KLHDC2: variants seen among roughly 807,000 people sequenced by gnomAD.
KLHDC2 encodes kelch domain containing 2.
In KLHDC2, 38 loss-of-function variants were observed where a neutral mutation model predicts 62.3. The ratio of observed to expected loss-of-function variants is 0.61; its 90% confidence interval spans 0.47 to 0.80. KLHDC2 has a LOEUF of 0.80. Ranked by LOEUF, KLHDC2 falls within the 30% of genes least tolerant of loss-of-function variation. KLHDC2 has a pLI of 0.00. For missense variants in KLHDC2, 430 were observed against 495.3 expected, an observed-to-expected ratio of 0.87 and a Z score of 1.25; for synonymous variants, 159 against 161.0, an observed-to-expected ratio of 0.99 and a Z score of 0.09.
In KLHDC2 at chr14:49,783,096, C is replaced by CTATTTTTGTGT. The variant is rs1889988871; in HGVS notation, c.*144_*154dup. 1.4e-6 allele frequency: 1 copy of CTATTTTTGTGT among 690,376 alleles called. No homozygotes were observed. Among genetic ancestry groups the CTATTTTTGTGT allele is most frequent in the Non-Finnish European group, 2.2e-6 (1 of 447,386 alleles). 42.8% of individuals were successfully genotyped at this position (690,376 alleles called of 1,614,324 possible). On this transcript the variant is annotated 3_prime_UTR_variant, in exon 13 of 13. Transcript: ENST00000298307. Reference sequence around the variant, plus strand: ...TGTGCATGTGAATGGCCTAGAGAACCTATTTTTGTGTCTAAAGTTTACAAT... The same window carrying CTATTTTTGTGT: ...TGTGCATGTGAATGGCCTAGAGAACCTATTTTTGTGTTATTTTTGTGTCTAAAGTTTACAAT...
chr14:49,780,805 T>A lies in KLHDC2; in HGVS notation c.956+30T>A, dbSNP rs957493214. The A allele has an allele frequency of 5.3e-6, 6 of 1,136,526 alleles. No individual in the cohort carries two copies. In the African/African-American group the frequency reaches 9.1e-5, roughly 17 times the overall value. 70.4% of individuals were successfully genotyped at this position (1,136,526 alleles called of 1,614,324 possible). A position where few individuals can be genotyped will look rare whatever the true frequency, so the allele number is the denominator to read the frequency against. ...TTAAAAGCAATTCATATACTGAATA[T>A]GCATAAGACATAAGAATTGAGGTTT... On this transcript the variant is annotated intron_variant, in intron 10 of 12. Transcript: ENST00000298307.
rs1252189191 is a variant in KLHDC2, at chr14:49,783,163, G to GTAAT, written c.*211_*214dup. The GTAAT allele has an allele frequency of 1.1e-5, 4 of 377,096 alleles. No homozygotes were observed. Among genetic ancestry groups the GTAAT allele is most frequent in the Non-Finnish European group, 1.9e-5 (4 of 214,462 alleles). The allele number at this position is 377,096 out of a possible 1,614,324, so 23.4% of individuals were successfully genotyped here. A position where few individuals can be genotyped will look rare whatever the true frequency, so the allele number is the denominator to read the frequency against. On this transcript the variant is annotated 3_prime_UTR_variant, in exon 13 of 13. Transcript: ENST00000298307. ...AGTAGCTGTCCTCTATTAAAGTAAAGTAATGGTTGGGCTTTTTACCCTGAA... is the reference window on the plus strand; with the variant it reads ...AGTAGCTGTCCTCTATTAAAGTAAAGTAATTAATGGTTGGGCTTTTTACCCTGAA...
chr14:49,774,878 G>A (rs1180170578), intron 3 of KLHDC2, 200 bp downstream of exon 3: 1 of 560,984 alleles, frequency 1.8e-6, no homozygotes, highest in Non-Finnish European at 3.2e-6. Context: ...ATCAACTTTT[G>A]TTGGTAACCT....
intron 3 of KLHDC2, among the ~76,000 whole-genome samples, chr14:49,775,846 T>TA (rs1329911339): frequency 6.6e-6 from 1 of 152,026 alleles, no homozygotes; most frequent in African/African-American, 2.4e-5. Flanking sequence ...AGGCTGGTCT[T>TA]AAACTCCTGA....
chr14:49,782,554 G>A lies in KLHDC2; in HGVS notation c.1057G>A (p.Glu353Lys). Residue 353 changes from glutamate (E) to lysine (K), a missense_variant, in exon 12 of 13, where the codon GAA becomes AAA. By Grantham distance (56) the Glu-to-Lys change is moderately conservative. Coordinates refer to ENST00000298307, the MANE Select transcript of KLHDC2 (RefSeq NM_014315.3). ...LVHHRAAHSN[E>K]ILIFSVQPKS... ...ATTTATTTTTCAGGCACACAGTAATGAAATACTAATATTTTCAGTTCAACC... is the reference window on the plus strand; with the variant it reads ...ATTTATTTTTCAGGCACACAGTAATAAAATACTAATATTTTCAGTTCAACC... 6.2e-7 allele frequency: 1 copy of A among 1,607,536 alleles called. No homozygotes were observed. Among genetic ancestry groups the A allele is most frequent in the Non-Finnish European group, 8.5e-7 (1 of 1,175,730 alleles).
intron 10 of KLHDC2, among the ~76,000 whole-genome samples, chr14:49,781,905 C>G (rs1889920703): frequency 6.6e-6 from 1 of 151,328 alleles, no homozygotes; most frequent in African/African-American, 2.4e-5. Flanking sequence ...CCCCAAGTAT[C>G]TAAACCAAGT....
rs1889850100 is a variant in KLHDC2 at position 49,779,803 on chromosome 14, A to C, written c.770A>C (p.Glu257Ala). 1 of 1,603,540 alleles carries C rather than the reference A, an allele frequency of 6.2e-7. No individual in the cohort carries two copies. Among genetic ancestry groups the C allele is most frequent in the Non-Finnish European group, 8.5e-7 (1 of 1,172,000 alleles). ...YLNLDTWEWN[E>A]LIPQGICPVG... ...AATCTGGATACATGGGAGTGGAATG[A>C]ATTGTAGGTATCACTTTAGATACAT... The change falls in exon 8 of 13, where the codon GAA becomes GCA. Residue 257 changes from glutamate (E) to alanine (A), a missense_variant. Transcript: ENST00000298307.
chr14:49,780,961 G>T (rs1889884976), intron 10 of KLHDC2, among the ~76,000 whole-genome samples, 186 bp downstream of exon 10: 1 of 152,220 alleles, frequency 6.6e-6, no homozygotes, highest in Non-Finnish European at 1.5e-5. Context: ...ATCTGTGCAT[G>T]AAGAGTAGGG....
chr14:49,786,030 C>T lies in KLHDC2; in HGVS notation c.*3077C>T, dbSNP rs1890162582. On this transcript the variant is annotated 3_prime_UTR_variant, in exon 13 of 13. Transcript: ENST00000298307. ...AATGGGACTAATACCTTGGCTATACCACTATTTCTCGTCCTGGGGAGATTC... is the reference window on the plus strand; with the variant it reads ...AATGGGACTAATACCTTGGCTATACTACTATTTCTCGTCCTGGGGAGATTC... The T allele has an allele frequency of 6.6e-6, 1 of 152,382 alleles. No homozygotes were observed. The highest frequency in any genetic ancestry group is 2.4e-5 in the African/African-American group (1 of 41,412). 9.4% of individuals were successfully genotyped at this position (152,382 alleles called of 1,614,324 possible).
At chr14:49,771,981 A>G (rs1028496362) in intron 2 of KLHDC2, among the ~76,000 whole-genome samples, 2 of 151,862 alleles carry the variant, frequency 1.3e-5, no homozygotes, top group African/African-American at 4.9e-5. Context: ...ACAGAGCAAA[A>G]CTGTCTCCAA....
In KLHDC2 at chr14:49,774,125, A is replaced by T. The variant is rs531022721; in HGVS notation, c.234-436A>T. ...TTACATAAAGGACTGAATCTGATGCATATGAACAGCTAAAAGGGGACTGAA... is the reference window on the plus strand; with the variant it reads ...TTACATAAAGGACTGAATCTGATGCTTATGAACAGCTAAAAGGGGACTGAA... On this transcript the variant is annotated intron_variant, in intron 2 of 12. Coordinates refer to ENST00000298307, the MANE Select transcript of KLHDC2 (RefSeq NM_014315.3). Among the ~76,000 whole-genome samples, 340 of 152,344 alleles carry T rather than the reference A, an allele frequency of 2.2e-3. 2 individuals carry two copies. The highest frequency in any genetic ancestry group is 7.4e-3 in the African/African-American group (306 of 41,580).
Position 49,782,613 on chromosome 14 carries a change from G to C in KLHDC2, c.1097+19G>C. On this transcript the variant is annotated intron_variant, in intron 12 of 12. Transcript: ENST00000298307. Reference sequence around the variant, plus strand: ...TTGTACGGTAAGTAACTTTGTACTTGGCACTTAGATTATTTAAAATTGTGT... The same window carrying C: ...TTGTACGGTAAGTAACTTTGTACTTCGCACTTAGATTATTTAAAATTGTGT... 1 of 1,573,490 alleles carries C rather than the reference G, an allele frequency of 6.4e-7. No individual in the cohort carries two copies. Among genetic ancestry groups the C allele is most frequent in the Non-Finnish European group, 8.7e-7 (1 of 1,152,872 alleles).
Position 49,778,465 on chromosome 14 carries a change from A to C in KLHDC2, c.604A>C (p.Thr202Pro). 1.3e-6 allele frequency: 2 copies of C among 1,590,860 alleles called. No homozygotes were observed. The highest frequency in any genetic ancestry group is 1.7e-6 in the Non-Finnish European group (2 of 1,160,996). Residue 202 changes from threonine to proline, a missense_variant, in exon 6 of 13, where the codon ACA (threonine) becomes CCA (proline). Thr to Pro is a conservative substitution (Grantham distance 38). Coordinates refer to ENST00000298307, the MANE Select transcript of KLHDC2 (RefSeq NM_014315.3). ...NDHVHILDTETFTWSQPITTG... is the reference protein window; with the variant it reads ...NDHVHILDTEPFTWSQPITTG... ...TCATGTACATATTTTAGATACTGAA[A>C]CATTTACCTGGAGCCAGCCTATAAC...
intron 3 of KLHDC2, 82 bp from the exon 4 acceptor site, chr14:49,777,757 T>A (rs1364917351): frequency 2.6e-6 from 2 of 761,430 alleles, no homozygotes; most frequent in Non-Finnish European, 4.4e-6. Context: ...GGCACTCTTA[T>A]CATAAATCAT....
intron 10 of KLHDC2, among the ~76,000 whole-genome samples, chr14:49,781,880 A>C (rs1254725655): frequency 6.6e-6 from 1 of 152,216 alleles, no homozygotes; most frequent in Non-Finnish European, 1.5e-5. Flanking sequence ...TTCATGTTCA[A>C]AGCCTGCATT....
At position 49,785,037 on chromosome 14, in the gene KLHDC2, C is replaced by T. The variant is rs1566643142; in HGVS notation, c.*2084C>T. 1 of 1,607,804 alleles carries T rather than the reference C, an allele frequency of 6.2e-7. No homozygotes were observed. ...TACAAAAAAGAGTAAGAATAATCTA[C>T]TGTTAAGTCACTGAACTGTTTAAAA... On this transcript the variant is annotated 3_prime_UTR_variant, in exon 13 of 13. Transcript: ENST00000298307.
At chr14:49,774,805 T>C in intron 3 of KLHDC2, 127 bp downstream of exon 3, 2 of 734,294 alleles carry the variant, frequency 2.7e-6, no homozygotes, top group Non-Finnish European at 4.9e-6. Flanking sequence ...TACTTGATTA[T>C]GATATGAATG....
chr14:49,768,332 A>G lies in KLHDC2; in HGVS notation c.-137A>G. The G allele has an allele frequency of 2.2e-6, 2 of 924,090 alleles. No homozygotes were observed. The highest frequency in any genetic ancestry group is 3.1e-6 in the Non-Finnish European group (2 of 639,308). 57.2% of individuals were successfully genotyped at this position (924,090 alleles called of 1,614,324 possible). ...GCTGGGAAACGCGAGCGCAGGCGGC[A>G]GAGAGGCCTCAACGCCGTCCCTTTC... On this transcript the variant is annotated 5_prime_UTR_variant, in exon 1 of 13. Transcript: ENST00000298307.
At chr14:49,782,322 C>T in intron 10 of KLHDC2, 48 bp from the exon 11 acceptor site, 2 of 1,288,884 alleles carry the variant, frequency 1.6e-6, no homozygotes, top group Non-Finnish European at 2.2e-6. Flanking sequence ...ATAAAATGGC[C>T]AACTGGTGTT....
Sources: allele counts gnomAD v4.1 joint callset (sites outside exome capture counted in the v4.1 genomes callset), GRCh38; gene constraint gnomAD v4.1.1; transcripts MANE v1.5; gene names NCBI Gene and HGNC (gene_info 2026-07-23, HGNC 2026-07-21).